UGT2A1: variants seen among roughly 807,000 people sequenced by gnomAD.
UGT2A1 encodes the protein UDP-glucuronosyltransferase 2A1.
Under a neutral mutation model 45.4 loss-of-function variants are expected in UGT2A1, and 61 were observed. That is an observed-to-expected ratio of 1.34 (90% CI 1.09 to 1.66). The LOEUF is 1.66. Among genes scored for constraint, UGT2A1 ranks in the 40% most tolerant of loss-of-function variants. The pLI is 0.00. For synonymous variants in UGT2A1, 229 were observed against 196.2 expected, an observed-to-expected ratio of 1.17 and a Z score of -1.40; for missense variants, 649 against 574.3, an observed-to-expected ratio of 1.13 and a Z score of -1.33.
rs534550971 is a variant in UGT2A1 at position 69,616,126 on chromosome 4, A to G, written c.848-16732T>C. ...TGAAATAAGCCAGGCGCGGAAAGAC[A>G]AATATGCCGTGTTTTCACTCACATG... On this transcript the variant is annotated intron_variant, in intron 3 of 6. Transcript: ENST00000286604. Among the ~76,000 whole-genome samples, 11 of 152,112 alleles carry G rather than the reference A, an allele frequency of 7.2e-5. No homozygotes were observed. The South Asian group carries it at 2.3e-3, about 32-fold the overall frequency.
chr4:69,634,865 G>A (rs982476567), intron 3 of UGT2A1, among the ~76,000 whole-genome samples: 3 of 152,202 alleles, frequency 2.0e-5, no homozygotes, highest in Admixed American at 6.5e-5. Context: ...GAGACAAAAT[G>A]CCCATTACCC....
At position 69,599,345 on chromosome 4, in the gene UGT2A1, T is replaced by G; in HGVS notation, c.897A>C (p.Leu299Phe). Residue 299 changes from leucine (L) to phenylalanine (F), a missense_variant, in exon 4 of 7, where the codon TTA becomes TTC. Transcript: ENST00000286604. ...ATTCAAAATCCCAATATGTTCGGAT[T>G]AACCAAATTTCAGCTTTCCCCATAG... ...CETMGKAEIWLIRTYWDFEFP... is the reference protein window; with the variant it reads ...CETMGKAEIWFIRTYWDFEFP... The G allele has an allele frequency of 6.2e-7, 1 of 1,613,808 alleles. No individual in the cohort carries two copies. The highest frequency in any genetic ancestry group is 8.5e-7 in the Non-Finnish European group (1 of 1,179,900).
intron 3 of UGT2A1, among the ~76,000 whole-genome samples, chr4:69,604,758 A>G (rs1384505171): frequency 2.9e-5 from 4 of 136,580 alleles, no homozygotes; most frequent in Non-Finnish European, 6.2e-5. Flanking sequence ...AAAAAAAGGC[A>G]GGGGTTGCAA....
At chr4:69,591,984 AG>A (rs373085464) in intron 6 of UGT2A1, among the ~76,000 whole-genome samples, 9 of 152,200 alleles carry the variant, frequency 5.9e-5, no homozygotes, top group African/African-American at 2.2e-4. Context: ...TATTAATAAA[AG>A]TCAATTAATT....
intron 3 of UGT2A1, among the ~76,000 whole-genome samples, chr4:69,619,822 A>G (rs1720638624): frequency 6.6e-6 from 1 of 152,088 alleles, no homozygotes; most frequent in South Asian, 2.1e-4. Context: ...AATAGGCTTT[A>G]TCTGCAGAAG....
At chr4:69,612,907 GA>G (rs34670944) in intron 3 of UGT2A1, among the ~76,000 whole-genome samples, 2,948 of 140,042 alleles carry the variant, frequency 0.021, 30 homozygotes, top group Non-Finnish European at 0.023. Context: ...AACCTCTGCA[GA>G]AAAAAAAAAA....
chr4:69,614,934 A>G (rs1229482106), intron 3 of UGT2A1, among the ~76,000 whole-genome samples: 1 of 152,046 alleles, frequency 6.6e-6, no homozygotes, highest in Non-Finnish European at 1.5e-5. Flanking sequence ...TGGAAGGGCA[A>G]TGGGGAAGCA....
intron 2 of UGT2A1, among the ~76,000 whole-genome samples, chr4:69,642,604 T>C (rs1364661912): frequency 6.6e-6 from 1 of 151,688 alleles, no homozygotes; most frequent in East Asian, 1.9e-4. Flanking sequence ...TTACATTAAT[T>C]ACTCATGCTT....
chr4:69,589,226 G>T lies in UGT2A1; in HGVS notation c.*146C>A. 1 of 1,042,764 alleles carries T rather than the reference G, an allele frequency of 9.6e-7. No homozygotes were observed. Among genetic ancestry groups the T allele is most frequent in the South Asian group, 2.2e-5 (1 of 44,874 alleles). 64.6% of individuals were successfully genotyped at this position (1,042,764 alleles called of 1,614,324 possible). A position where few individuals can be genotyped will look rare whatever the true frequency, so the allele number is the denominator to read the frequency against. Reference sequence around the variant, plus strand: ...GCCAAAATCTAGGCTTTATCAGTAGGCTTATCGCAGGTAGAGAAATAGAAA... The same window carrying T: ...GCCAAAATCTAGGCTTTATCAGTAGTCTTATCGCAGGTAGAGAAATAGAAA... On this transcript the variant is annotated 3_prime_UTR_variant, in exon 7 of 7. Transcript: ENST00000286604.
intron 3 of UGT2A1, among the ~76,000 whole-genome samples, chr4:69,619,609 G>T (rs1015876045): frequency 6.6e-6 from 1 of 151,948 alleles, no homozygotes; most frequent in East Asian, 1.9e-4. Context: ...TTCCATTTGT[G>T]TGAAACTTAA....
chr4:69,647,674 G>T lies in UGT2A1; in HGVS notation c.-30C>A. On this transcript the variant is annotated 5_prime_UTR_variant, in exon 2 of 7. Coordinates refer to ENST00000286604, the MANE Select transcript of UGT2A1 (RefSeq NM_001252275.3). ...TGGCTTGATGCAGAAGATTTGATGA[G>T]ATGTGAAGCAAATGTTTTTCTCTGC... The T allele has an allele frequency of 2.2e-6, 3 of 1,393,402 alleles. No individual in the cohort carries two copies. The highest frequency in any genetic ancestry group is 2.9e-6 in the Non-Finnish European group (3 of 1,037,018). 86.3% of individuals were successfully genotyped at this position (1,393,402 alleles called of 1,614,324 possible).
chr4:69,652,579 C>G (rs900421454), intron 1 of UGT2A1, among the ~76,000 whole-genome samples: 1 of 151,746 alleles, frequency 6.6e-6, no homozygotes, highest in Non-Finnish European at 1.5e-5. Context: ...CCATTATTTT[C>G]TTTTTTTAAT....
At chr4:69,613,709 T>G (rs1720203146) in intron 3 of UGT2A1, among the ~76,000 whole-genome samples, 1 of 152,010 alleles carries the variant, frequency 6.6e-6, no homozygotes, top group Non-Finnish European at 1.5e-5. Context: ...TTATCAACAG[T>G]ACCAGGACAA....
intron 3 of UGT2A1, among the ~76,000 whole-genome samples, chr4:69,606,765 T>A (rs1205189853): frequency 7.3e-6 from 1 of 136,482 alleles, no homozygotes; most frequent in Admixed American, 7.2e-5. Flanking sequence ...ACAAGCATTC[T>A]TATACACCAA....
chr4:69,605,316 T>A lies in UGT2A1; in HGVS notation c.848-5922A>T, dbSNP rs759330035. Among the ~76,000 whole-genome samples, 2 of 136,958 alleles carry A rather than the reference T, an allele frequency of 1.5e-5. 1 individual carries two copies. Among genetic ancestry groups the A allele is most frequent in the South Asian group, 4.7e-4 (2 of 4,226 alleles). The allele number at this position is 136,958 out of a possible 152,430, so 89.8% of individuals were successfully genotyped here. A position where few individuals can be genotyped will look rare whatever the true frequency, so the allele number is the denominator to read the frequency against. ...GGAAACTGAACAACCTGCTCCTGAA[T>A]GACTACTGGGTACATAACGAAATGA... On this transcript the variant is annotated intron_variant, in intron 3 of 6. Coordinates refer to ENST00000286604, the MANE Select transcript of UGT2A1 (RefSeq NM_001252275.3).
rs1054319441 is a variant in UGT2A1, at chr4:69,605,769, G to C, written c.848-6375C>G. On this transcript the variant is annotated intron_variant, in intron 3 of 6. Coordinates refer to ENST00000286604, the MANE Select transcript of UGT2A1 (RefSeq NM_001252275.3). Reference sequence around the variant, plus strand: ...ACCACCGATCCCACAGAAATACAAAGTACCATCAGAGAATACTATAAACAC... The same window carrying C: ...ACCACCGATCCCACAGAAATACAAACTACCATCAGAGAATACTATAAACAC... Among the ~76,000 whole-genome samples the C allele has an allele frequency of 2.3e-4, 31 of 136,196 alleles. 9 individuals are homozygous for C. The highest frequency in any genetic ancestry group is 8.3e-4 in the African/African-American group (28 of 33,716). The allele number at this position is 136,196 out of a possible 152,430, so 89.3% of individuals were successfully genotyped here. A position where few individuals can be genotyped will look rare whatever the true frequency, so the allele number is the denominator to read the frequency against.
In UGT2A1 at chr4:69,647,397, A is replaced by G; in HGVS notation, c.248T>C (p.Ile83Thr). Residue 83 changes from isoleucine to threonine, a missense_variant, in exon 2 of 7, where the codon ATA (isoleucine) becomes ACA (threonine). Coordinates refer to ENST00000286604, the MANE Select transcript of UGT2A1 (RefSeq NM_001252275.3). ...AACGAAGTCCTTAATTACTCCTTCTATTCTTTCTTTGCCAAAGGGCACCTT... is the reference window on the plus strand; with the variant it reads ...AACGAAGTCCTTAATTACTCCTTCTGTTCTTTCTTTGCCAAAGGGCACCTT... The part of the protein sequence containing the change: ...IYKVPFGKER[I>T]EGVIKDFVLT... The G allele has an allele frequency of 1.2e-6, 2 of 1,613,026 alleles. No homozygotes were observed. Among genetic ancestry groups the G allele is most frequent in the Non-Finnish European group, 1.7e-6 (2 of 1,179,422 alleles).
intron 3 of UGT2A1, among the ~76,000 whole-genome samples, chr4:69,619,463 A>G (rs1243035765): frequency 6.6e-6 from 1 of 151,896 alleles, no homozygotes; most frequent in Non-Finnish European, 1.5e-5. Context: ...AATATACAAA[A>G]GTAAATTGCA....
At chr4:69,624,200 G>A (rs1051051501) in intron 3 of UGT2A1, among the ~76,000 whole-genome samples, 4 of 151,376 alleles carry the variant, frequency 2.6e-5, no homozygotes, top group Non-Finnish European at 5.9e-5. Flanking sequence ...ATGTCTTCTT[G>A]ATGAATTTAA....
Sources: gnomAD v4.1 joint callset for allele counts (sites outside exome capture counted in the v4.1 genomes callset) on GRCh38, gnomAD v4.1.1 for gene constraint, MANE v1.5 for transcripts, NCBI Gene and HGNC (gene_info 2026-07-23, HGNC 2026-07-21) for gene names.